SGK1: variants seen among roughly 807,000 people sequenced by gnomAD.
SGK1 encodes the protein serine/threonine-protein kinase Sgk1.
In SGK1, 26 loss-of-function variants were observed where a neutral mutation model predicts 64.2. The observed-to-expected ratio is 0.40, with a 90% CI of 0.30 to 0.56. SGK1 has a LOEUF of 0.56. Ranked by LOEUF, SGK1 falls within the 20% of genes least tolerant of loss-of-function variation. SGK1 has a pLI of 0.38. For missense variants in SGK1, 519 were observed against 645.6 expected (o/e 0.80, Z 2.12); for synonymous variants, 265 against 239.7 (o/e 1.11, Z -0.98).
At chr6:134,231,883 T>C (rs973176673) in intron 2 of SGK1, among the ~76,000 whole-genome samples, 4 of 149,656 alleles carry the variant, frequency 2.7e-5, no homozygotes, top group African/African-American at 9.9e-5. Flanking sequence ...CTACTAAAAA[T>C]ACAAAAATTA....
chr6:134,219,095 G>A (rs1366682523), intron 2 of SGK1, among the ~76,000 whole-genome samples: 3 of 152,084 alleles, frequency 2.0e-5, no homozygotes, highest in African/African-American at 7.2e-5. Context: ...CAATTCTTGT[G>A]CCTTAGCCTC....
In SGK1 at chr6:134,288,609, G is replaced by T. The variant is rs1777219154; in HGVS notation, c.70-26461C>A. Reference sequence around the variant, plus strand: ...GAACACATGTGAAGGTAGTCATGAGGGAGCCTCTGTGAATCATAAGGAGAA... The same window carrying T: ...GAACACATGTGAAGGTAGTCATGAGTGAGCCTCTGTGAATCATAAGGAGAA... On this transcript the variant is annotated intron_variant, in intron 1 of 13. Transcript: ENST00000367858. Among the ~76,000 whole-genome samples the T allele has an allele frequency of 2.6e-5, 4 of 152,144 alleles. No individual in the cohort carries two copies. The South Asian group carries it at 8.3e-4, about 32-fold the overall frequency.
At chr6:134,292,542 G>A (rs1432564313) in intron 1 of SGK1, among the ~76,000 whole-genome samples, 1 of 152,092 alleles carries the variant, frequency 6.6e-6, no homozygotes, top group East Asian at 1.9e-4. Context: ...GCAGTGAGCC[G>A]AGATTGCGCC....
At chr6:134,209,209 G>A (rs559676083) in intron 2 of SGK1, among the ~76,000 whole-genome samples, 3 of 152,176 alleles carry the variant, frequency 2.0e-5, no homozygotes, top group Middle Eastern at 3.4e-3. Flanking sequence ...CGAGGCGGGC[G>A]GATCAGCTGA....
At chr6:134,199,874 T>C (rs764745830) in intron 3 of SGK1, among the ~76,000 whole-genome samples, 4 of 152,218 alleles carry the variant, frequency 2.6e-5, no homozygotes, top group Non-Finnish European at 5.9e-5. Context: ...CAAAGAATTA[T>C]GTTTCTTACC....
intron 1 of SGK1, among the ~76,000 whole-genome samples, chr6:134,277,566 G>T (rs1230143905): frequency 6.6e-6 from 1 of 152,034 alleles, no homozygotes; most frequent in Non-Finnish European, 1.5e-5. Context: ...GGCAATGGGA[G>T]GAGGTATCAC....
At chr6:134,175,422 G>C (rs946190552) in intron 3 of SGK1, 15 of 1,308,720 alleles carry the variant, frequency 1.1e-5, no homozygotes, top group Non-Finnish European at 1.4e-5. Flanking sequence ...TCGCCCGCCA[G>C]GTCCTCCCGT....
intron 1 of SGK1, among the ~76,000 whole-genome samples, chr6:134,294,512 G>A (rs933464917): frequency 6.6e-5 from 10 of 152,108 alleles, no homozygotes; most frequent in Non-Finnish European, 1.3e-4. Context: ...TTGTGACCAA[G>A]TATTTTACTT....
At chr6:134,261,665 T>C in intron 2 of SGK1, 1 of 590,124 alleles carries the variant, frequency 1.7e-6, no homozygotes, top group Non-Finnish European at 3.0e-6. Context: ...CAAAGTAGGT[T>C]ATACGTGCAT....
rs914022265 is a variant in SGK1 at position 134,170,049 on chromosome 6, G to A, written c.*219C>T. ...ACGCTCGTTTCAGAGATAGCACCAC[G>A]TTGGAAGGAAGAATAAAAATGAAAA... On this transcript the variant is annotated 3_prime_UTR_variant, in exon 14 of 14. Transcript: ENST00000367858. The A allele has an allele frequency of 8.1e-6, 3 of 370,628 alleles. No individual in the cohort carries two copies. Among genetic ancestry groups the A allele is most frequent in the African/African-American group, 2.0e-5 (1 of 49,626 alleles). The allele number at this position is 370,628 out of a possible 1,614,324, so 23.0% of individuals were successfully genotyped here. A position where few individuals can be genotyped will look rare whatever the true frequency, so the allele number is the denominator to read the frequency against.
rs180732874 is a variant in SGK1, at chr6:134,244,812, G to T, written c.285+17121C>A. Among the ~76,000 whole-genome samples, 335 of 152,308 alleles carry T rather than the reference G, an allele frequency of 2.2e-3. 3 individuals are homozygous for T. Among genetic ancestry groups the T allele is most frequent in the African/African-American group, 7.4e-3 (306 of 41,574 alleles). On this transcript the variant is annotated intron_variant, in intron 2 of 13. Transcript: ENST00000367858. The stretch of plus-strand genomic sequence containing the variant: ...TTTTTTGAGATGGAGTTTCACTCTT[G>T]TTGCCCAGGCTGGAGTGCAATGGCG...
At chr6:134,223,408 C>T (rs552703179) in intron 2 of SGK1, among the ~76,000 whole-genome samples, 2 of 151,884 alleles carry the variant, frequency 1.3e-5, no homozygotes, top group South Asian at 2.1e-4. Context: ...GATTCTTAGG[C>T]CTAGGTTAAA....
chr6:134,254,534 G>A (rs900156080), intron 2 of SGK1, among the ~76,000 whole-genome samples: 4 of 152,196 alleles, frequency 2.6e-5, no homozygotes, highest in South Asian at 4.2e-4. Context: ...TTCCCCAAAC[G>A]CACAAGTAAT....
chr6:134,272,478 T>C (rs559196534), intron 1 of SGK1, among the ~76,000 whole-genome samples: 10 of 146,910 alleles, frequency 6.8e-5, no homozygotes, highest in African/African-American at 2.4e-4. Flanking sequence ...TTGTTGTTTT[T>C]TTAACTGTCT....
chr6:134,211,877 G>GAAAAAA (rs573091377), intron 2 of SGK1, among the ~76,000 whole-genome samples: 12 of 81,624 alleles, frequency 1.5e-4, no homozygotes, highest in Non-Finnish European at 2.5e-4. Flanking sequence ...CGTCTACAAG[G>GAAAAAA]AAAAAAAAAA....
At chr6:134,242,678 T>A (rs1776467504) in intron 2 of SGK1, among the ~76,000 whole-genome samples, 1 of 152,036 alleles carries the variant, frequency 6.6e-6, no homozygotes, top group Non-Finnish European at 1.5e-5. Context: ...TTGCCCAGGC[T>A]GGTCTCGAAC....
Position 134,317,407 on chromosome 6 carries a change from T to A in SGK1, c.54A>T (p.Gln18His). ...GFPVKKCSAFQFFKKRVRRWI... is the reference protein window; with the variant it reads ...GFPVKKCSAFHFFKKRVRRWI... ...CTGTCCTTACCCGCTTCTTAAAAAA[T>A]TGGAAGGCTGAGCATTTCTTGACTG... The change falls in exon 1 of 14, where the codon CAA (glutamine) becomes CAT (histidine). Residue 18 changes from glutamine to histidine, a missense_variant. Physicochemically the swap from Gln to His is conservative, Grantham distance 24. Around this residue, in one of 2 missense-constraint regions of SGK1, gnomAD observed 241 missense variants for 236.9 expected, o/e 1.02. Transcript: ENST00000367858. The A allele has an allele frequency of 1.2e-6, 2 of 1,605,398 alleles. No individual in the cohort carries two copies. The highest frequency in any genetic ancestry group is 1.7e-6 in the Non-Finnish European group (2 of 1,171,954).
chr6:134,228,935 C>T (rs1776232998), intron 2 of SGK1, among the ~76,000 whole-genome samples: 1 of 151,032 alleles, frequency 6.6e-6, no homozygotes, highest in Non-Finnish European at 1.5e-5. Context: ...GCTCCGCCTT[C>T]CGGGTTCACG....
At chr6:134,258,559 G>A (rs559883858) in intron 2 of SGK1, among the ~76,000 whole-genome samples, 17 of 152,160 alleles carry the variant, frequency 1.1e-4, no homozygotes, top group African/African-American at 2.6e-4. Flanking sequence ...ACAAAAATTC[G>A]CCAGGCGTGG....
Sources: allele counts gnomAD v4.1 joint callset (sites outside exome capture counted in the v4.1 genomes callset), GRCh38; gene constraint gnomAD v4.1.1; regional missense constraint gnomAD v4.1.1; transcripts MANE v1.5; gene names NCBI Gene and HGNC (gene_info 2026-07-23, HGNC 2026-07-21).